The following ZNF577 variants were observed in gnomAD, a reference collection of about 807,000 sequenced individuals.
ZNF577 encodes zinc finger protein 577.
ZNF577 carries 14 observed loss-of-function variants against 13.9 expected under a neutral mutation model. The ratio of observed to expected loss-of-function variants is 1.00; its 90% CI spans 0.66 to 1.57. ZNF577 has a LOEUF of 1.57. Ranked by LOEUF, ZNF577 falls within the 40% of genes most tolerant of loss-of-function variation. The probability of loss-of-function intolerance (pLI) is 0.00; values close to 1 mark genes in which losing one functional copy is unlikely to be tolerated. For missense variants in ZNF577, 555 were observed against 579.2 expected, an observed-to-expected ratio of 0.96 and a Z score of 0.43; for synonymous variants, 203 against 202.9, an observed-to-expected ratio of 1.00 and a Z score of 0.00.
intron 9 of ZNF577, among the ~76,000 whole-genome samples, chr19:51,822,668 C>T (rs568734816): frequency 5.1e-4 from 77 of 152,292 alleles, no homozygotes; most frequent in African/African-American, 1.8e-3. Flanking sequence ...GCAATTAACA[C>T]AGTGAATAGT....
intron 9 of ZNF577, among the ~76,000 whole-genome samples, chr19:51,818,549 G>A (rs977913893): frequency 2.0e-5 from 3 of 152,172 alleles, no homozygotes; most frequent in Non-Finnish European, 2.9e-5. Context: ...CTGGACCTGG[G>A]GCAGCTGTTT....
intron 9 of ZNF577, chr19:51,825,862 A>C (rs1336781028): frequency 6.0e-6 from 1 of 167,102 alleles, no homozygotes; most frequent in East Asian, 1.9e-4. Flanking sequence ...GAAGAGACAA[A>C]GTGGGGATAT....
In ZNF577 at chr19:51,880,225, T is replaced by C. The variant is rs1227996098; in HGVS notation, c.60+98A>G. ...GGAAAAAGCCATAGAAAACATCCCATGCCTTTATTACAAGGCTGACTTTGA... is the reference window on the plus strand; with the variant it reads ...GGAAAAAGCCATAGAAAACATCCCACGCCTTTATTACAAGGCTGACTTTGA... On this transcript the variant is annotated intron_variant, in intron 3 of 5. Transcript: ENST00000638348. The C allele has an allele frequency of 4.0e-6, 5 of 1,237,376 alleles. 1 individual carries two copies. Among genetic ancestry groups the C allele is most frequent in the Admixed American group, 1.7e-5 (1 of 58,676 alleles). The allele number at this position is 1,237,376 out of a possible 1,614,324, so 76.6% of individuals were successfully genotyped here.
Position 51,860,875 on chromosome 19 carries a change from A to G in ZNF577, c.284-15944T>C. 3 of 386,856 alleles carry G rather than the reference A, an allele frequency of 7.8e-6. No homozygotes were observed. The Admixed American group carries it at 1.2e-4, about 16-fold the overall frequency. 24.0% of individuals were successfully genotyped at this position (386,856 alleles called of 1,614,324 possible). On this transcript the variant is annotated intron_variant and NMD_transcript_variant, in intron 5 of 10. Coordinates refer to the ZNF577 transcript ENST00000638827. ...TCTCTCGTAAACAAGATATTCAAAGAGTTTTGACTTTCAGATTTTAATTTT... is the reference window on the plus strand; with the variant it reads ...TCTCTCGTAAACAAGATATTCAAAGGGTTTTGACTTTCAGATTTTAATTTT...
At position 51,872,532 on chromosome 19, in the gene ZNF577, T is replaced by A; in HGVS notation, c.1458A>T (p.Ter486TyrextTer3). The change falls in exon 6 of 6, where the codon TAA becomes TAT. Residue 486 changes from the stop codon to tyrosine, a stop_lost. Coordinates refer to ENST00000638348, the MANE Select transcript of ZNF577 (RefSeq NM_001370449.1). ...ILYLTDIVSE[*>Y] Reference sequence around the variant, plus strand: ...TCCCACCTTTCTGGTATCAGAAGATTTATTCTGATACAATATCTGTAAGAT... The same window carrying A: ...TCCCACCTTTCTGGTATCAGAAGATATATTCTGATACAATATCTGTAAGAT... The A allele has an allele frequency of 6.4e-7, 1 of 1,561,408 alleles. No homozygotes were observed. Among genetic ancestry groups the A allele is most frequent in the South Asian group, 1.2e-5 (1 of 83,512 alleles).
At chr19:51,857,188 G>A (rs6509579) in intron 5 of ZNF577, among the ~76,000 whole-genome samples, 57,296 of 151,662 alleles carry the variant, frequency 0.38, 11,953 homozygotes, top group African/African-American at 0.55. Context: ...AGTCCCAGCT[G>A]TTCAGGAGGC....
At chr19:51,855,994 C>T (rs1455171682) in intron 5 of ZNF577, 1 of 152,040 alleles carries the variant, frequency 6.6e-6, no homozygotes, top group African/African-American at 2.4e-5. Context: ...AGAAGTAGGC[C>T]AAATTAAAAT....
chr19:51,875,939 C>G (rs193107344), intron 5 of ZNF577, among the ~76,000 whole-genome samples: 2 of 152,280 alleles, frequency 1.3e-5, no homozygotes, highest in East Asian at 3.9e-4. Context: ...AGACGTAGAA[C>G]AGAGTAAACC....
intron 4 of ZNF577, 41 bp from the exon 5 acceptor site, chr19:51,877,418 G>C (rs1456005037): frequency 6.5e-7 from 1 of 1,527,886 alleles, no homozygotes; most frequent in African/African-American, 1.4e-5. Flanking sequence ...ACGTGTGCTT[G>C]GGGAATGGAT....
chr19:51,824,889 C>T lies in ZNF577; in HGVS notation c.*600-13215G>A. The T allele has an allele frequency of 9.1e-7, 1 of 1,095,326 alleles. No homozygotes were observed. Among genetic ancestry groups the T allele is most frequent in the African/African-American group, 1.6e-5 (1 of 62,744 alleles). 67.9% of individuals were successfully genotyped at this position (1,095,326 alleles called of 1,614,324 possible). A position where few individuals can be genotyped will look rare whatever the true frequency, so the allele number is the denominator to read the frequency against. On this transcript the variant is annotated intron_variant and NMD_transcript_variant, in intron 9 of 10. Coordinates refer to the ZNF577 transcript ENST00000638827. The surrounding 1 kb of genome is among the most constrained non-coding windows in gnomAD (Gnocchi z 4.7). ...AAAAAATTCTGACAGTGTTTTTCTT[C>T]CTCTTTCATACCACCACCACCACAA...
intron 10 of ZNF577, among the ~76,000 whole-genome samples, chr19:51,807,414 T>G (rs1599832641): frequency 6.6e-6 from 1 of 152,288 alleles, no homozygotes; most frequent in South Asian, 2.1e-4. Context: ...GATAAACAGT[T>G]TGCTGTTTGA....
At chr19:51,815,090 G>A (rs900439137) in intron 9 of ZNF577, among the ~76,000 whole-genome samples, 2 of 152,184 alleles carry the variant, frequency 1.3e-5, no homozygotes. Context: ...GATTGCAGGC[G>A]CGAGCCACCT....
intron 9 of ZNF577, among the ~76,000 whole-genome samples, chr19:51,815,784 C>A (rs2084131118): frequency 6.6e-6 from 1 of 151,260 alleles, no homozygotes; most frequent in African/African-American, 2.4e-5. Flanking sequence ...TCCCTTGAGC[C>A]CAGGGAAGTG....
intron 6 of ZNF577, among the ~76,000 whole-genome samples, chr19:51,844,376 G>A (rs6509574): frequency 0.72 from 108,876 of 152,004 alleles, 39,262 homozygotes; most frequent in East Asian, 0.89. Context: ...AGATCCATCA[G>A]AGACATTTCT....
rs181999296 is a variant in ZNF577, at chr19:51,810,790, C to T, written c.*817+667G>A. The stretch of plus-strand genomic sequence containing the variant: ...TCTGTATGCCATTATTTACCACTCT[C>T]GCTTTTAATTCCTTCAACAACTTAC... On this transcript the variant is annotated intron_variant and NMD_transcript_variant, in intron 10 of 10. Transcript: ENST00000638827. Among the ~76,000 whole-genome samples, 84 of 152,298 alleles carry T rather than the reference C, an allele frequency of 5.5e-4. No homozygotes were observed. The Middle Eastern group carries it at 0.01, about 19-fold the overall frequency.
At chr19:51,821,228 C>T (rs146211602) in intron 9 of ZNF577, among the ~76,000 whole-genome samples, 2 of 152,336 alleles carry the variant, frequency 1.3e-5, no homozygotes, top group East Asian at 3.9e-4. Context: ...AGAGATATCA[C>T]TGACCAAGAA....
rs1007966628 is a variant in ZNF577, at chr19:51,870,926, G to C, written c.*1606C>G. 2.0e-5 allele frequency among the ~76,000 whole-genome samples: 3 copies of C among 152,080 alleles called. No individual in the cohort carries two copies. The highest frequency in any genetic ancestry group is 2.9e-5 in the Non-Finnish European group (2 of 68,020). ...AGCCCTTTACTTCTCAATGTCTGATGAAGTTCATTCATATATTTTGTGCAT... is the reference window on the plus strand; with the variant it reads ...AGCCCTTTACTTCTCAATGTCTGATCAAGTTCATTCATATATTTTGTGCAT... On this transcript the variant is annotated 3_prime_UTR_variant, in exon 6 of 6. Coordinates refer to ENST00000638348, the MANE Select transcript of ZNF577 (RefSeq NM_001370449.1).
intron 5 of ZNF577, among the ~76,000 whole-genome samples, chr19:51,850,277 G>A (rs2084373281): frequency 6.6e-6 from 1 of 152,148 alleles, no homozygotes; most frequent in Non-Finnish European, 1.5e-5. Context: ...TATGATGGGG[G>A]CCCTTAGGCC....
chr19:51,858,393 T>C (rs2084460749), intron 5 of ZNF577, among the ~76,000 whole-genome samples: 1 of 152,204 alleles, frequency 6.6e-6, no homozygotes, highest in African/African-American at 2.4e-5. Context: ...CCCTCCCTCA[T>C]GCACCAGGGT....
Sources: gnomAD v4.1 joint callset for allele counts (sites outside exome capture counted in the v4.1 genomes callset) on GRCh38, gnomAD v4.1.1 for gene constraint, Gnocchi (gnomAD v3.1) non-coding constraint, MANE v1.5 for transcripts, NCBI Gene and HGNC (gene_info 2026-07-23, HGNC 2026-07-21) for gene names.